Variants in LMF1 observed in about 807,000 individuals in gnomAD.
LMF1 encodes transmembrane protein 112.
Under a neutral mutation model 60.6 loss-of-function variants are expected in LMF1, and 68 were observed. The ratio of observed to expected loss-of-function variants is 1.12; its 90% CI spans 0.92 to 1.37. The LOEUF is 1.37. LMF1 is among the 40% of genes most tolerant of loss of function. The pLI is 0.00. For missense variants in LMF1, 948 were observed against 767.2 expected, an observed-to-expected ratio of 1.24 and a Z score of -2.78; for synonymous variants, 418 against 324.7, an observed-to-expected ratio of 1.29 and a Z score of -3.09.
chr16:951,411 C>T (rs1222260649), intron 2 of LMF1, among the ~76,000 whole-genome samples: 3 of 152,254 alleles, frequency 2.0e-5, no homozygotes, highest in African/African-American at 7.2e-5. Flanking sequence ...ACTTCAGATA[C>T]TATAGCAGAT....
At chr16:970,698 G>T in intron 1 of LMF1, 90 bp downstream of exon 1, 1 of 1,248,962 alleles carries the variant, frequency 8.0e-7, no homozygotes, top group South Asian at 1.5e-5. Flanking sequence ...CCGCGGCCGC[G>T]AGACCGCGCG....
At position 962,440 on chromosome 16, in the gene LMF1, C is replaced by A. The variant is rs945505766; in HGVS notation, c.194-7774G>T. Among the ~76,000 whole-genome samples the A allele has an allele frequency of 1.3e-5, 2 of 149,122 alleles. No homozygotes were observed. Among genetic ancestry groups the A allele is most frequent in the Non-Finnish European group, 3.0e-5 (2 of 67,590 alleles). On this transcript the variant is annotated intron_variant, in intron 1 of 10. Coordinates refer to ENST00000262301, the MANE Select transcript of LMF1 (RefSeq NM_022773.4). The surrounding 1 kb of genome is among the most constrained non-coding windows in gnomAD (Gnocchi z 4.5). ...AGTGAGCGGCTTCCAGAGGACAGAG[C>A]GGGCGGGAAAGCAGGGACCTGTCAG...
Position 869,854 on chromosome 16 carries a change from C to A in LMF1, c.1416+29G>T, listed in dbSNP as rs1240789598. 11 of 1,599,772 alleles carry A rather than the reference C, an allele frequency of 6.9e-6. No homozygotes were observed. The Admixed American group carries it at 1.9e-4, about 27-fold the overall frequency. On this transcript the variant is annotated intron_variant, in intron 9 of 10. Coordinates refer to ENST00000262301, the MANE Select transcript of LMF1 (RefSeq NM_022773.4). Reference sequence around the variant, plus strand: ...AGAAGAGGGTGGGGTACAGGCAGGTCCATGCGCCCGCCAGGGACCGTCCCC... The same window carrying A: ...AGAAGAGGGTGGGGTACAGGCAGGTACATGCGCCCGCCAGGGACCGTCCCC...
chr16:966,982 A>G (rs1403063427), intron 1 of LMF1, among the ~76,000 whole-genome samples: 1 of 152,148 alleles, frequency 6.6e-6, no homozygotes, highest in African/African-American at 2.4e-5. Context: ...TAGCAAACCA[A>G]CGTCAGTTCA....
chr16:894,774 T>G (rs987613841), intron 4 of LMF1, among the ~76,000 whole-genome samples: 2 of 152,224 alleles, frequency 1.3e-5, no homozygotes, highest in African/African-American at 4.8e-5. Context: ...ACTTTCGTAA[T>G]GGCCGCCTCC....
intron 3 of LMF1, among the ~76,000 whole-genome samples, chr16:915,458 G>C (rs1222588547): frequency 6.6e-6 from 1 of 152,356 alleles, no homozygotes; most frequent in South Asian, 2.1e-4. Context: ...GGAATCAGAG[G>C]TTGAGGAGGG....
intron 2 of LMF1, among the ~76,000 whole-genome samples, chr16:946,796 A>T (rs1229484859): frequency 2.6e-5 from 4 of 152,186 alleles, no homozygotes; most frequent in Non-Finnish European, 5.9e-5. Flanking sequence ...GGTGGGCCTG[A>T]CCAAGCTGAA....
intron 1 of LMF1, among the ~76,000 whole-genome samples, chr16:957,176 G>A (rs2151481847): frequency 6.6e-6 from 1 of 152,210 alleles, no homozygotes; most frequent in South Asian, 2.1e-4. Context: ...TACAAACAAG[G>A]AATGACACAG....
At chr16:980,196 GCTT>G (rs1249273252) in intron 1 of LMF1, 1 of 192,256 alleles carries the variant, frequency 5.2e-6, no homozygotes, top group Non-Finnish European at 1.1e-5. Flanking sequence ...GGAGGCCAAT[GCTT>G]CCTCCAAAGG....
chr16:978,365 ATG>A (rs2073237995), intron 1 of LMF1, among the ~76,000 whole-genome samples: 2 of 151,710 alleles, frequency 1.3e-5, no homozygotes, highest in Middle Eastern at 3.4e-3. Flanking sequence ...ACACACACAC[ATG>A]AACACACGCG....
At chr16:911,159 A>G (rs767845795) in intron 3 of LMF1, 80 bp from the exon 4 acceptor site, 2 of 1,488,862 alleles carry the variant, frequency 1.3e-6, no homozygotes, top group Admixed American at 2.0e-5. Flanking sequence ...AACTCAGTTT[A>G]ATGGAAACGG....
In LMF1 at chr16:869,978, A is replaced by G. The variant is rs1333413820; in HGVS notation, c.1321T>C (p.Phe441Leu). ...CTGGGGTCACCTGGCTTGCACTTGAACTCGTAGTCCTCCCACATGGCATCG... is the reference window on the plus strand; with the variant it reads ...CTGGGGTCACCTGGCTTGCACTTGAGCTCGTAGTCCTCCCACATGGCATCG... The part of the protein sequence containing the change: ...APDAMWEDYE[F>L]KCKPGDPSRR... Residue 441 changes from phenylalanine (F) to leucine (L), a missense_variant, in exon 9 of 11, where the codon TTC becomes CTC. Transcript: ENST00000262301. The G allele has an allele frequency of 3.7e-6, 6 of 1,612,622 alleles. No individual in the cohort carries two copies. Among genetic ancestry groups the G allele is most frequent in the Admixed American group, 1.7e-5 (1 of 59,952 alleles).
intron 5 of LMF1, among the ~76,000 whole-genome samples, chr16:889,848 G>A (rs999141491): frequency 9.9e-5 from 15 of 152,126 alleles, no homozygotes; most frequent in South Asian, 2.1e-4. Context: ...CAAGACACAC[G>A]GGAGGGAGCA....
intron 3 of LMF1, among the ~76,000 whole-genome samples, chr16:918,724 C>T (rs1468325065): frequency 6.6e-6 from 1 of 152,106 alleles, no homozygotes; most frequent in Non-Finnish European, 1.5e-5. Context: ...GCCTGCGTGG[C>T]TGAGAAGCAC....
At chr16:896,668 G>C (rs567261553) in intron 4 of LMF1, among the ~76,000 whole-genome samples, 2 of 152,126 alleles carry the variant, frequency 1.3e-5, no homozygotes, top group Non-Finnish European at 2.9e-5. Context: ...CGGCTCCACC[G>C]GGCAGGGGCA....
At chr16:933,974 A>G in intron 3 of LMF1, 1 of 1,438,042 alleles carries the variant, frequency 7.0e-7, no homozygotes, top group Admixed American at 2.1e-5. Flanking sequence ...GCCCCAGGGA[A>G]GCGGTGGTAA....
At chr16:869,478 C>T (rs2069712585) in intron 9 of LMF1, 1 of 544,652 alleles carries the variant, frequency 1.8e-6, no homozygotes, top group Admixed American at 2.2e-5. Context: ...GTCCCCCAGA[C>T]TGGAAGGCAA....
intron 5 of LMF1, among the ~76,000 whole-genome samples, chr16:886,555 C>T (rs2070313666): frequency 9.0e-6 from 1 of 110,958 alleles, no homozygotes; most frequent in African/African-American, 4.0e-5. Flanking sequence ...ATTCCCCAGG[C>T]CCCTCCCACC....
intron 3 of LMF1, among the ~76,000 whole-genome samples, chr16:925,930 TGA>T (rs750129816): frequency 2.0e-5 from 3 of 152,264 alleles, no homozygotes; most frequent in Non-Finnish European, 4.4e-5. Flanking sequence ...TGTTTGCATA[TGA>T]TCTGCATATG....
Sources: gnomAD v4.1 joint callset for allele counts (sites outside exome capture counted in the v4.1 genomes callset) on GRCh38, gnomAD v4.1.1 for gene constraint, Gnocchi (gnomAD v3.1) non-coding constraint, MANE v1.5 for transcripts, NCBI Gene and HGNC (gene_info 2026-07-23, HGNC 2026-07-21) for gene names.